Variants in KIAA1549L observed in about 807,000 individuals in gnomAD.
KIAA1549L encodes KIAA1549 like.
A neutral mutation model predicts 160.7 loss-of-function variants in KIAA1549L; 88 were observed. The observed-to-expected ratio is 0.55, with a 90% CI of 0.46 to 0.65. KIAA1549L has a LOEUF of 0.65. KIAA1549L is among the 30% of genes least tolerant of loss of function. The pLI is 0.00. For missense variants in KIAA1549L, 2,258 were observed against 2,437.5 expected, an observed-to-expected ratio of 0.93 and a Z score of 1.55; for synonymous variants, 950 against 976.7, an observed-to-expected ratio of 0.97 and a Z score of 0.51.
At chr11:33,500,580 T>C (rs940477576) in intron 1 of KIAA1549L, among the ~76,000 whole-genome samples, 2 of 152,182 alleles carry the variant, frequency 1.3e-5, no homozygotes, top group Non-Finnish European at 2.9e-5. Flanking sequence ...AGGAATAAGT[T>C]CTAGGATTCA....
chr11:33,574,720 G>C lies in KIAA1549L; in HGVS notation c.4249G>C (p.Val1417Leu). The part of the protein sequence containing the change: ...YTVQMVKMQR[V>L]PGPKDPAELT... ...CCGAAAGATGGTGAAGATGCAGCGT[G>C]TCCCAGGCCCGAAGGACCCAGCGGA... The change falls in exon 10 of 21, where the codon GTC becomes CTC. Residue 1417 changes from valine to leucine, a missense_variant. Coordinates refer to ENST00000658780, the MANE Select transcript of KIAA1549L (RefSeq NM_012194.3). 6.2e-7 allele frequency: 1 copy of C among 1,611,746 alleles called. No homozygotes were observed. Among genetic ancestry groups the C allele is most frequent in the Non-Finnish European group, 8.5e-7 (1 of 1,178,648 alleles).
intron 17 of KIAA1549L, among the ~76,000 whole-genome samples, chr11:33,652,599 C>A (rs1230110784): frequency 6.6e-6 from 1 of 152,194 alleles, no homozygotes; most frequent in Non-Finnish European, 1.5e-5. Context: ...ACAGAATAAG[C>A]CTTCCAACAA....
intron 16 of KIAA1549L, among the ~76,000 whole-genome samples, chr11:33,630,205 A>T (rs1292074554): frequency 1.3e-5 from 2 of 152,154 alleles, no homozygotes; most frequent in East Asian, 3.9e-4. Context: ...GGGACATTTA[A>T]GTCTGCAGAG....
Position 33,543,929 on chromosome 11 carries a change from A to G in KIAA1549L, c.2366A>G (p.Gln789Arg), listed in dbSNP as rs1215524638. The change falls in exon 2 of 21, where the codon CAG becomes CGG. Residue 789 changes from glutamine to arginine, a missense_variant. Coordinates refer to ENST00000658780, the MANE Select transcript of KIAA1549L (RefSeq NM_012194.3). Reference sequence around the variant, plus strand: ...ACAAGCATTGAGCAGCCTGTGCAACAGTCAGACATGACCATGGTTGGAAGC... The same window carrying G: ...ACAAGCATTGAGCAGCCTGTGCAACGGTCAGACATGACCATGGTTGGAAGC... ...LGTSIEQPVQ[Q>R]SDMTMVGSHI... 2 of 1,614,052 alleles carry G rather than the reference A, an allele frequency of 1.2e-6. No homozygotes were observed. Among genetic ancestry groups the G allele is most frequent in the South Asian group, 2.2e-5 (2 of 91,086 alleles).
At chr11:33,520,641 T>G (rs1853460997) in intron 1 of KIAA1549L, among the ~76,000 whole-genome samples, 2 of 146,406 alleles carry the variant, frequency 1.4e-5, no homozygotes, top group Admixed American at 1.4e-4. Context: ...GATTATCCAT[T>G]AGACCCAGAA....
chr11:33,536,616 T>C (rs1853899174), intron 1 of KIAA1549L, among the ~76,000 whole-genome samples: 2 of 152,140 alleles, frequency 1.3e-5, no homozygotes, highest in Admixed American at 1.3e-4. Flanking sequence ...TCAAACAGAC[T>C]CAAGCCCACT....
chr11:33,478,473 C>T (rs902959196), intron 1 of KIAA1549L, among the ~76,000 whole-genome samples: 15 of 152,152 alleles, frequency 9.9e-5, no homozygotes, highest in African/African-American at 3.1e-4. Flanking sequence ...CCACATGGAG[C>T]GGATTTCAGA....
At chr11:33,425,198 A>G (rs1277036456) in intron 1 of KIAA1549L, among the ~76,000 whole-genome samples, 2 of 152,212 alleles carry the variant, frequency 1.3e-5, no homozygotes, top group Admixed American at 6.5e-5. Flanking sequence ...GAAGATTTGT[A>G]TATACGTTAG....
At chr11:33,378,025 T>C (rs770944615) in intron 1 of KIAA1549L, among the ~76,000 whole-genome samples, 3 of 152,224 alleles carry the variant, frequency 2.0e-5, no homozygotes, top group Admixed American at 6.5e-5. Flanking sequence ...TTTGGATGTG[T>C]GCCTCAGACT....
intron 1 of KIAA1549L, among the ~76,000 whole-genome samples, chr11:33,460,475 G>C (rs1308601671): frequency 1.3e-5 from 2 of 152,196 alleles, no homozygotes; most frequent in East Asian, 1.9e-4. Context: ...ATGGGTTCCT[G>C]GTGTAGCAGA....
intron 1 of KIAA1549L, among the ~76,000 whole-genome samples, chr11:33,389,271 TA>T (rs1238395135): frequency 6.6e-6 from 1 of 152,204 alleles, no homozygotes; most frequent in Non-Finnish European, 1.5e-5. Context: ...CTTGCCTTTT[TA>T]TTTACCAGGT....
chr11:33,656,246 A>T, intron 18 of KIAA1549L, 137 bp downstream of exon 18: 1 of 658,412 alleles, frequency 1.5e-6, no homozygotes, highest in Non-Finnish European at 2.7e-6. Context: ...ACAGACAACC[A>T]TGCGCCTGTG....
chr11:33,424,720 G>A (rs1050656370), intron 1 of KIAA1549L, among the ~76,000 whole-genome samples: 1 of 152,156 alleles, frequency 6.6e-6, no homozygotes, highest in African/African-American at 2.4e-5. Flanking sequence ...CTGATGAGAA[G>A]GGCAAACAGA....
chr11:33,538,558 C>T (rs889673229), intron 1 of KIAA1549L, among the ~76,000 whole-genome samples: 1 of 152,150 alleles, frequency 6.6e-6, no homozygotes, highest in African/African-American at 2.4e-5. Flanking sequence ...AATGGTGAAC[C>T]TGATCCCCTT....
chr11:33,609,925 A>G lies in KIAA1549L; in HGVS notation c.5238A>G (p.Pro1746=), dbSNP rs1258384135. The change falls in exon 15 of 21, where the codon CCA becomes CCG. Residue 1746 remains proline, a synonymous_variant. Transcript: ENST00000658780. ...APKEMEHVLD[P]DSELCAPFTE... ...AGGAAATGGAGCATGTTTTGGATCC[A>G]GATTCAGAACTCTGTGCTCCATTCA... is the stretch of plus-strand genomic sequence containing the variant. The G allele has an allele frequency of 1.9e-6, 3 of 1,614,034 alleles. No individual in the cohort carries two copies. In the South Asian group the frequency reaches 3.3e-5, roughly 18 times the overall value.
chr11:33,444,562 CTA>C (rs1475478859), intron 1 of KIAA1549L, among the ~76,000 whole-genome samples: 1 of 152,174 alleles, frequency 6.6e-6, no homozygotes, highest in African/African-American at 2.4e-5. Context: ...CATTGTGTGT[CTA>C]TTTGCATTGT....
chr11:33,654,355 G>C (rs1245602187), intron 17 of KIAA1549L, among the ~76,000 whole-genome samples: 1 of 152,172 alleles, frequency 6.6e-6, no homozygotes, highest in Non-Finnish European at 1.5e-5. Context: ...AGTCCTTAAA[G>C]GTCTGAATCT....
In KIAA1549L at chr11:33,656,090, G is replaced by A. The variant is rs1852055090; in HGVS notation, c.5839G>A (p.Ala1947Thr). Residue 1947 changes from alanine to threonine, a missense_variant, in exon 18 of 21, where the codon GCT (alanine) becomes ACT (threonine). Ala to Thr is a moderately conservative substitution (Grantham distance 58). This residue lies in a region of KIAA1549L where 1,359 missense variants were observed against 1,546.6 expected (regional missense o/e 0.88). Coordinates refer to ENST00000658780, the MANE Select transcript of KIAA1549L (RefSeq NM_012194.3). ...PPVPPRTGPV[A>T]VASLRRSTSD... The stretch of plus-strand genomic sequence containing the variant: ...CGTACCTCCCCGGACTGGTCCTGTG[G>A]CTGTCGCTTCTCTCAGGCGGTAACA... 6.2e-7 allele frequency: 1 copy of A among 1,613,568 alleles called. No homozygotes were observed. The highest frequency in any genetic ancestry group is 8.5e-7 in the Non-Finnish European group (1 of 1,179,592).
At position 33,671,469 on chromosome 11, in the gene KIAA1549L, G is replaced by A. The variant is rs893915246; in HGVS notation, c.*3315G>A. 4 of 151,456 alleles carry A rather than the reference G, an allele frequency of 2.6e-5. No homozygotes were observed. Among genetic ancestry groups the A allele is most frequent in the African/African-American group, 9.7e-5 (4 of 41,176 alleles). The allele number at this position is 151,456 out of a possible 1,614,324, so 9.4% of individuals were successfully genotyped here. ...TAGATTATGTAAGAATCAATTCCCT[G>A]GTCCCAGGAGAAGTTTTATTGTGAG... is the stretch of plus-strand genomic sequence containing the variant. On this transcript the variant is annotated 3_prime_UTR_variant, in exon 21 of 21. Coordinates refer to ENST00000658780, the MANE Select transcript of KIAA1549L (RefSeq NM_012194.3).
Sources: gnomAD v4.1 joint callset for allele counts (sites outside exome capture counted in the v4.1 genomes callset) on GRCh38, gnomAD v4.1.1 for gene constraint, gnomAD v4.1.1 regional missense constraint, MANE v1.5 for transcripts, NCBI Gene and HGNC (gene_info 2026-07-23, HGNC 2026-07-21) for gene names.